Variants in ZNF407 observed in about 807,000 individuals in gnomAD.
ZNF407 encodes the protein zinc finger protein 407.
A neutral mutation model predicts 131.2 loss-of-function variants in ZNF407; 17 were observed. The observed-to-expected ratio is 0.13, with a 90% CI of 0.09 to 0.19. ZNF407 has a LOEUF of 0.19. ZNF407 is among the 10% of genes least tolerant of loss of function. ZNF407 has a pLI of 1.00. For synonymous variants in ZNF407, 1,156 were observed against 1,062.0 expected (o/e 1.09, Z -1.72); for missense variants, 2,681 against 2,830.6 (o/e 0.95, Z 1.20).
At chr18:74,752,318 G>T (rs1278689191) in intron 3 of ZNF407, among the ~76,000 whole-genome samples, 1 of 152,184 alleles carries the variant, frequency 6.6e-6, no homozygotes, top group Non-Finnish European at 1.5e-5. Context: ...CTCCCATTCT[G>T]TAGGTTGCCT....
chr18:75,028,660 G>A (rs993591852), intron 8 of ZNF407, among the ~76,000 whole-genome samples: 5 of 152,224 alleles, frequency 3.3e-5, no homozygotes, highest in Non-Finnish European at 7.3e-5. Flanking sequence ...AATTCCGCTA[G>A]GTACTGAGAT....
intron 4 of ZNF407, among the ~76,000 whole-genome samples, chr18:74,851,149 G>C (rs941961848): frequency 6.6e-6 from 1 of 152,188 alleles, no homozygotes; most frequent in African/African-American, 2.4e-5. Context: ...TCCTAGCAGT[G>C]ATATCGTAAT....
At chr18:75,042,832 G>A (rs1027357556) in intron 8 of ZNF407, among the ~76,000 whole-genome samples, 2 of 152,114 alleles carry the variant, frequency 1.3e-5, no homozygotes, top group Non-Finnish European at 2.9e-5. Context: ...ATTTCACTTG[G>A]CACAATGCTT....
chr18:74,955,061 C>T (rs1291207338), intron 8 of ZNF407, among the ~76,000 whole-genome samples: 3 of 151,534 alleles, frequency 2.0e-5, no homozygotes, highest in Non-Finnish European at 1.5e-5. Flanking sequence ...AAGTGTGGAT[C>T]TCATGAAGTC....
chr18:74,987,380 G>C (rs1375137171), intron 8 of ZNF407, among the ~76,000 whole-genome samples: 3 of 152,246 alleles, frequency 2.0e-5, no homozygotes, highest in Non-Finnish European at 2.9e-5. Flanking sequence ...AGGTCTTACT[G>C]TATTACCAAA....
At chr18:74,769,008 G>C (rs970128283) in intron 3 of ZNF407, among the ~76,000 whole-genome samples, 2 of 152,096 alleles carry the variant, frequency 1.3e-5, no homozygotes, top group African/African-American at 4.8e-5. Context: ...CGTCGTCATT[G>C]TCATCATTAT....
chr18:74,904,552 A>G (rs1185510927), intron 7 of ZNF407, among the ~76,000 whole-genome samples: 1 of 152,190 alleles, frequency 6.6e-6, no homozygotes, highest in Non-Finnish European at 1.5e-5. Context: ...GAAATGCTAA[A>G]TTCTGAAGAA....
chr18:74,844,475 G>C (rs1970676080), intron 4 of ZNF407, among the ~76,000 whole-genome samples: 1 of 152,116 alleles, frequency 6.6e-6, no homozygotes, highest in Admixed American at 6.5e-5. Flanking sequence ...AAAGTAGTTT[G>C]AATGATATAT....
At chr18:74,676,491 C>T (rs904447813) in intron 3 of ZNF407, among the ~76,000 whole-genome samples, 8 of 148,730 alleles carry the variant, frequency 5.4e-5, no homozygotes, top group Non-Finnish European at 1.2e-4. Context: ...GGCTGGAGTG[C>T]AGTGGCGGGA....
intron 4 of ZNF407, among the ~76,000 whole-genome samples, chr18:74,874,526 G>A (rs997087827): frequency 6.6e-6 from 1 of 151,974 alleles, no homozygotes; most frequent in Non-Finnish European, 1.5e-5. Flanking sequence ...AGTCACAGCC[G>A]GCGAGGAAGA....
chr18:74,637,291 T>G (rs1984506425), intron 2 of ZNF407, among the ~76,000 whole-genome samples: 1 of 152,240 alleles, frequency 6.6e-6, no homozygotes, highest in Non-Finnish European at 1.5e-5. Context: ...AAAATAGGTT[T>G]GCACTGGTCA....
At chr18:75,018,745 G>A (rs1973073395) in intron 8 of ZNF407, among the ~76,000 whole-genome samples, 1 of 152,080 alleles carries the variant, frequency 6.6e-6, no homozygotes, top group Non-Finnish European at 1.5e-5. Context: ...TCAGTGAAAT[G>A]CAGGAATAAA....
intron 7 of ZNF407, among the ~76,000 whole-genome samples, chr18:74,907,273 C>T (rs1234942681): frequency 2.0e-5 from 3 of 152,174 alleles, no homozygotes; most frequent in Admixed American, 6.5e-5. Context: ...CAGCAGCTGT[C>T]GCTCCTCTCC....
intron 8 of ZNF407, among the ~76,000 whole-genome samples, chr18:74,984,166 G>T (rs1465550442): frequency 2.0e-5 from 3 of 152,094 alleles, no homozygotes; most frequent in African/African-American, 4.8e-5. Context: ...CTCGGACTAG[G>T]GTTCTTCTCT....
chr18:74,915,685 C>T (rs1392797022), intron 7 of ZNF407, among the ~76,000 whole-genome samples: 1 of 30,330 alleles, frequency 3.3e-5, no homozygotes, highest in Non-Finnish European at 6.2e-5. Flanking sequence ...AGCATTGGTT[C>T]GAATCGGGAG....
intron 3 of ZNF407, among the ~76,000 whole-genome samples, chr18:74,692,640 G>A (rs780881969): frequency 2.0e-5 from 3 of 152,114 alleles, no homozygotes; most frequent in South Asian, 2.1e-4. Context: ...CTCCCCTAGC[G>A]GTAGCTGATA....
intron 8 of ZNF407, among the ~76,000 whole-genome samples, chr18:74,967,030 G>A (rs1972417428): frequency 6.6e-6 from 1 of 152,160 alleles, no homozygotes; most frequent in South Asian, 2.1e-4. Flanking sequence ...GGAGACTGAG[G>A]CAGGAGCATC....
chr18:74,609,506 G>T (rs1018801134), intron 1 of ZNF407, among the ~76,000 whole-genome samples: 2 of 152,124 alleles, frequency 1.3e-5, no homozygotes, highest in Non-Finnish European at 2.9e-5. Context: ...TAAAAATATG[G>T]TATAAAAGAT....
chr18:75,064,255 G>A lies in ZNF407; in HGVS notation c.6534G>A (p.Gly2178=), dbSNP rs761131022. The A allele has an allele frequency of 2.5e-6, 4 of 1,606,124 alleles. No individual in the cohort carries two copies. The Admixed American group carries it at 5.0e-5, about 20-fold the overall frequency. Residue 2178 remains glycine (G), a synonymous_variant, in exon 9 of 9, where the codon GGG becomes GGA. Transcript: ENST00000299687. ...ACATCCTGACAGAGCTGCCCCCAGG[G>A]GTGCAGGACGAGCCGGGCCTGTACT... ...THYILTELPP[G]VQDEPGLYSH... is the part of the protein sequence containing the mutation.
Sources: allele counts gnomAD v4.1 joint callset (sites outside exome capture counted in the v4.1 genomes callset), GRCh38; gene constraint gnomAD v4.1.1; transcripts MANE v1.5; gene names NCBI Gene and HGNC (gene_info 2026-07-23, HGNC 2026-07-21).